Variants in CUX1 observed in about 807,000 individuals in gnomAD.
The protein encoded by CUX1 is protein CASP.
A neutral mutation model predicts 158.8 loss-of-function variants in CUX1; 31 were observed. The observed-to-expected ratio is 0.20, with a 90% CI of 0.15 to 0.26. CUX1 has a LOEUF of 0.26. CUX1 is among the 10% of genes least tolerant of loss of function. The probability of loss-of-function intolerance (pLI) is 1.00; values close to 1 mark genes in which losing one functional copy is unlikely to be tolerated. For missense variants in CUX1, 1,589 were observed against 2,014.6 expected (o/e 0.79, Z 4.04); for synonymous variants, 879 against 862.1 (o/e 1.02, Z -0.34).
intron 1 of CUX1, among the ~76,000 whole-genome samples, chr7:101,900,952 C>T (rs563309071): frequency 6.6e-5 from 10 of 152,312 alleles, no homozygotes; most frequent in African/African-American, 2.4e-4. Flanking sequence ...ATGATAACTA[C>T]TATCTCTCTG....
chr7:101,953,820 C>CAA (rs995162564), intron 2 of CUX1, among the ~76,000 whole-genome samples: 5 of 109,234 alleles, frequency 4.6e-5, no homozygotes, highest in East Asian at 5.1e-4. Context: ...GGGAAATCCA[C>CAA]AAAAAAAAAA....
intron 11 of CUX1, among the ~76,000 whole-genome samples, chr7:102,188,040 C>T (rs1331346280): frequency 6.6e-6 from 1 of 151,924 alleles, no homozygotes; most frequent in Admixed American, 6.6e-5. Context: ...AAGACCCCCT[C>T]TCTTAAAAAA....
intron 8 of CUX1, among the ~76,000 whole-genome samples, chr7:102,158,246 C>T (rs549453818): frequency 1.6e-3 from 247 of 152,296 alleles, no homozygotes; most frequent in Non-Finnish European, 3.0e-3. Flanking sequence ...GAGCACTCTG[C>T]TCAGAGCTCT....
At chr7:102,039,907 G>C (rs1276571275) in intron 3 of CUX1, among the ~76,000 whole-genome samples, 1 of 152,100 alleles carries the variant, frequency 6.6e-6, no homozygotes, top group Non-Finnish European at 1.5e-5. Context: ...TGGCCTGAGG[G>C]AGGGACCAAG....
intron 2 of CUX1, among the ~76,000 whole-genome samples, chr7:102,005,173 G>C (rs1686240619): frequency 6.6e-6 from 1 of 152,184 alleles, no homozygotes; most frequent in African/African-American, 2.4e-5. Flanking sequence ...GTGTCACAGA[G>C]AACTTGGCTC....
At chr7:101,985,064 T>C (rs946871327) in intron 2 of CUX1, among the ~76,000 whole-genome samples, 1 of 152,232 alleles carries the variant, frequency 6.6e-6, no homozygotes, top group Non-Finnish European at 1.5e-5. Context: ...TTTATGTCCT[T>C]GGTTTCCAAT....
At chr7:101,896,340 G>T (rs540232240) in intron 1 of CUX1, among the ~76,000 whole-genome samples, 1 of 152,286 alleles carries the variant, frequency 6.6e-6, no homozygotes, top group South Asian at 2.1e-4. Context: ...GGCACCGTGG[G>T]GACATGCACA....
rs193271513 is a variant in CUX1, at chr7:102,086,582, A to G, written c.269-10782A>G. On this transcript the variant is annotated intron_variant, in intron 4 of 23. Coordinates refer to ENST00000292535, the MANE Select transcript of CUX1 (RefSeq NM_181552.4). ...TATCCATATTGACTATATAAAAATC[A>G]TAATATTAATTAATGTGAATGGCTT... Among the ~76,000 whole-genome samples, 13 of 151,684 alleles carry G rather than the reference A, an allele frequency of 8.6e-5. No individual in the cohort carries two copies. The East Asian group carries it at 2.5e-3, about 29-fold the overall frequency.
At position 102,234,253 on chromosome 7, in the gene CUX1, GC is replaced by G; in HGVS notation, c.3622+17del. ...ATGGAGAAGAAAGGTAAGTCTCCCT[GC>G]CCCGCCCGGGCCGGCTGCGTCCGCA... On this transcript the variant is annotated intron_variant, in intron 22 of 23. Coordinates refer to ENST00000292535, the MANE Select transcript of CUX1 (RefSeq NM_181552.4). The G allele has an allele frequency of 6.6e-7, 1 of 1,511,184 alleles. No homozygotes were observed. 93.6% of individuals were successfully genotyped at this position (1,511,184 alleles called of 1,614,324 possible). A position where few individuals can be genotyped will look rare whatever the true frequency, so the allele number is the denominator to read the frequency against.
intron 1 of CUX1, among the ~76,000 whole-genome samples, chr7:101,830,205 G>A (rs1793827354): frequency 6.6e-6 from 1 of 152,202 alleles, no homozygotes; most frequent in Admixed American, 6.5e-5. Flanking sequence ...CCCCTGCAGT[G>A]ATACCGCACT....
intron 1 of CUX1, among the ~76,000 whole-genome samples, chr7:101,914,921 C>T (rs1234351185): frequency 1.3e-5 from 2 of 152,130 alleles, no homozygotes; most frequent in Non-Finnish European, 2.9e-5. Context: ...GGTTAACTTC[C>T]GCCAAGGAGG....
intron 4 of CUX1, among the ~76,000 whole-genome samples, chr7:102,085,115 G>A (rs963644642): frequency 1.3e-5 from 2 of 151,932 alleles, no homozygotes; most frequent in South Asian, 2.1e-4. Flanking sequence ...GGCATCTTTC[G>A]AGATGATCAT....
intron 2 of CUX1, among the ~76,000 whole-genome samples, chr7:101,991,527 G>T (rs887615988): frequency 2.0e-5 from 3 of 152,180 alleles, no homozygotes; most frequent in Admixed American, 6.5e-5. Flanking sequence ...GGGTGACCGA[G>T]GGGGGTGGAT....
intron 2 of CUX1, among the ~76,000 whole-genome samples, chr7:101,937,753 T>G (rs1411546723): frequency 1.3e-5 from 2 of 152,130 alleles, no homozygotes; most frequent in Non-Finnish European, 2.9e-5. Flanking sequence ...GCTCAAGTGA[T>G]CCACCCGCCT....
At chr7:102,069,312 C>T (rs1006296190) in intron 3 of CUX1, among the ~76,000 whole-genome samples, 2 of 152,212 alleles carry the variant, frequency 1.3e-5, no homozygotes, top group Admixed American at 6.5e-5. Flanking sequence ...TCACCCACAG[C>T]TCCTGCATAT....
intron 2 of CUX1, among the ~76,000 whole-genome samples, chr7:101,927,810 C>G (rs1165007313): frequency 6.6e-6 from 1 of 152,348 alleles, no homozygotes; most frequent in South Asian, 2.1e-4. Flanking sequence ...TAACGAGGAG[C>G]TAATCTCCCA....
intron 23 of CUX1, among the ~76,000 whole-genome samples, chr7:102,244,284 A>G (rs1043018963): frequency 6.6e-5 from 10 of 152,042 alleles, no homozygotes; most frequent in Non-Finnish European, 1.0e-4. Flanking sequence ...CTCCTGTCCC[A>G]CTGGAACCCT....
chr7:101,849,368 C>G (rs150034374), intron 1 of CUX1, among the ~76,000 whole-genome samples: 19 of 152,008 alleles, frequency 1.2e-4, no homozygotes, highest in African/African-American at 4.1e-4. Flanking sequence ...GTGTTTTTCC[C>G]CCCTCTCTGT....
At chr7:102,206,250 C>G (rs1358514382) in intron 20 of CUX1, among the ~76,000 whole-genome samples, 1 of 152,172 alleles carries the variant, frequency 6.6e-6, no homozygotes, top group African/African-American at 2.4e-5. Flanking sequence ...TCTGATTTGA[C>G]TCTGACCAAC....
Sources: allele counts gnomAD v4.1 joint callset (sites outside exome capture counted in the v4.1 genomes callset), GRCh38; gene constraint gnomAD v4.1.1; transcripts MANE v1.5; gene names NCBI Gene and HGNC (gene_info 2026-07-23, HGNC 2026-07-21).